The following IRF8 variants were observed in gnomAD, a reference collection of about 807,000 sequenced individuals.
IRF8 encodes the protein interferon regulatory factor 8, also known as interferon consensus sequence binding protein 1.
IRF8 carries 14 observed loss-of-function variants against 48.7 expected under a neutral mutation model. That is an observed-to-expected ratio of 0.29 (90% CI 0.19 to 0.45). IRF8 has a LOEUF of 0.45. IRF8 is among the 20% of genes least tolerant of loss of function. The pLI is 1.00. For synonymous variants in IRF8, 278 were observed against 227.3 expected (o/e 1.22, Z -2.01); for missense variants, 493 against 580.7 (o/e 0.85, Z 1.55).
chr16:85,906,072 G>A (rs971363574), intron 2 of IRF8, among the ~76,000 whole-genome samples: 5 of 152,222 alleles, frequency 3.3e-5, no homozygotes, highest in Non-Finnish European at 7.3e-5. Flanking sequence ...GGAAAATCTA[G>A]TTAAGTGAGG....
intron 7 of IRF8, 76 bp downstream of exon 7, chr16:85,918,879 GGGT>G: frequency 6.4e-7 from 1 of 1,573,132 alleles, no homozygotes; most frequent in Non-Finnish European, 8.6e-7. Context: ...TTGCAGCTCA[GGGT>G]GGCCCTGTGG....
intron 1 of IRF8, among the ~76,000 whole-genome samples, chr16:85,901,815 C>G (rs1904834643): frequency 6.6e-6 from 1 of 152,094 alleles, no homozygotes; most frequent in Non-Finnish European, 1.5e-5. Context: ...ATTTTGCTTT[C>G]TGGACCAGTG....
rs1567875581 is a variant in IRF8, at chr16:85,903,009, T to C, written c.-1-6T>C. On this transcript the variant is annotated splice_polypyrimidine_tract_variant and splice_region_variant and intron_variant, in intron 1 of 8. Coordinates refer to ENST00000268638, the MANE Select transcript of IRF8 (RefSeq NM_002163.4). ...ATATCACAGCGTGTATTTCTGTCTTTCCAAGGATGTGTGACCGGAATGGTG... is the reference window on the plus strand; with the variant it reads ...ATATCACAGCGTGTATTTCTGTCTTCCCAAGGATGTGTGACCGGAATGGTG... 1.2e-6 allele frequency: 2 copies of C among 1,613,998 alleles called. No homozygotes were observed. The highest frequency in any genetic ancestry group is 2.7e-5 in the African/African-American group (2 of 74,938).
intron 5 of IRF8, 79 bp downstream of exon 5, chr16:85,913,315 G>T: frequency 2.0e-6 from 2 of 1,022,496 alleles, no homozygotes; most frequent in South Asian, 1.3e-5. Context: ...GGACGGAGTG[G>T]GGGTGGTTGT....
At chr16:85,902,791 G>GCAGGTGGCTA in intron 1 of IRF8, 2 of 598,958 alleles carry the variant, frequency 3.3e-6, no homozygotes, top group Non-Finnish European at 6.0e-6. Context: ...GCTGGTGGCT[G>GCAGGTGGCTA]CAGGTTTCCC....
intron 3 of IRF8, among the ~76,000 whole-genome samples, chr16:85,910,857 G>A (rs2152101262): frequency 6.6e-6 from 1 of 152,356 alleles, no homozygotes; most frequent in East Asian, 1.9e-4. Flanking sequence ...GGTAAATTCT[G>A]TAGGTCACTG....
Position 85,921,708 on chromosome 16 carries a change from G to C in IRF8, c.*426G>C. 4.2e-6 allele frequency: 1 copy of C among 236,964 alleles called. No homozygotes were observed. The allele number at this position is 236,964 out of a possible 1,614,324, so 14.7% of individuals were successfully genotyped here. On this transcript the variant is annotated 3_prime_UTR_variant, in exon 9 of 9. Transcript: ENST00000268638. ...GTTTTTGTCTTTATCGTTTGTTAGA[G>C]TTATAGATTTATGATTTCATAGGCT... is the stretch of plus-strand genomic sequence containing the variant.
At position 85,914,436 on chromosome 16, in the gene IRF8, G is replaced by A. The variant is rs201250460; in HGVS notation, c.554-37G>A. ...GGGTTACTCCCTGTACACCACACCT[G>A]GGTGGCTCTGAGCTTGCTTTTCTGT... is the stretch of plus-strand genomic sequence containing the variant. On this transcript the variant is annotated intron_variant, in intron 5 of 8. Coordinates refer to ENST00000268638, the MANE Select transcript of IRF8 (RefSeq NM_002163.4). The A allele has an allele frequency of 2.0e-5, 32 of 1,613,904 alleles. No individual in the cohort carries two copies. The South Asian group carries it at 3.2e-4, about 16-fold the overall frequency.
At position 85,903,196 on chromosome 16, in the gene IRF8, A is replaced by T; in HGVS notation, c.174+7A>T. 1 of 1,612,514 alleles carries T rather than the reference A, an allele frequency of 6.2e-7. No individual in the cohort carries two copies. Among genetic ancestry groups the T allele is most frequent in the African/African-American group, 1.3e-5 (1 of 75,028 alleles). The stretch of plus-strand genomic sequence containing the variant: ...GGATGCCTCCATTTTTAAGGTAAAG[A>T]GCCCAGCTCCCTTCCCCACTGTGGG... On this transcript the variant is annotated splice_region_variant and intron_variant, in intron 2 of 8. Transcript: ENST00000268638.
intron 5 of IRF8, among the ~76,000 whole-genome samples, chr16:85,913,625 T>C: frequency 6.6e-6 from 1 of 152,224 alleles, no homozygotes; most frequent in East Asian, 1.9e-4. Context: ...GCCAGTCTGT[T>C]ACGACATTAA....
At chr16:85,899,405 A>G (rs1044087278) in intron 1 of IRF8, among the ~76,000 whole-genome samples, 182 bp downstream of exon 1, 1 of 152,358 alleles carries the variant, frequency 6.6e-6, no homozygotes, top group East Asian at 1.9e-4. Flanking sequence ...TCCAATCTGA[A>G]TGCCCAAGTC....
rs1905564843 is a variant in IRF8, at chr16:85,921,419, C to T, written c.*137C>T. ...TACTTTGCACTTAATTTAATAAGGGCATTCTCGGAGGAGTAGACGTTTAAT... is the reference window on the plus strand; with the variant it reads ...TACTTTGCACTTAATTTAATAAGGGTATTCTCGGAGGAGTAGACGTTTAAT... On this transcript the variant is annotated 3_prime_UTR_variant, in exon 9 of 9. Transcript: ENST00000268638. 4.3e-6 allele frequency: 4 copies of T among 930,358 alleles called. No individual in the cohort carries two copies. Among genetic ancestry groups the T allele is most frequent in the African/African-American group, 3.3e-5 (2 of 61,514 alleles). The allele number at this position is 930,358 out of a possible 1,614,324, so 57.6% of individuals were successfully genotyped here. A position where few individuals can be genotyped will look rare whatever the true frequency, so the allele number is the denominator to read the frequency against.
chr16:85,912,538 C>T (rs1262727094), intron 4 of IRF8, among the ~76,000 whole-genome samples: 1 of 152,222 alleles, frequency 6.6e-6, no homozygotes, highest in Non-Finnish European at 1.5e-5. Flanking sequence ...TGGCAGCCGA[C>T]TGAGTGAATT....
Position 85,921,732 on chromosome 16 carries a change from C to A in IRF8, c.*450C>A. On this transcript the variant is annotated 3_prime_UTR_variant, in exon 9 of 9. Transcript: ENST00000268638. Reference sequence around the variant, plus strand: ...AGTTATAGATTTATGATTTCATAGGCTTGATTCTATGTGAAATATCTTTTT... The same window carrying A: ...AGTTATAGATTTATGATTTCATAGGATTGATTCTATGTGAAATATCTTTTT... 1 of 205,410 alleles carries A rather than the reference C, an allele frequency of 4.9e-6. No homozygotes were observed. Among genetic ancestry groups the A allele is most frequent in the South Asian group, 8.1e-5 (1 of 12,356 alleles). The allele number at this position is 205,410 out of a possible 1,614,324, so 12.7% of individuals were successfully genotyped here.
intron 6 of IRF8, among the ~76,000 whole-genome samples, chr16:85,916,755 G>T (rs928960171): frequency 2.6e-5 from 4 of 152,228 alleles, no homozygotes; most frequent in Admixed American, 2.0e-4. Flanking sequence ...GTTGCTTCAG[G>T]GTAAAGGGAG....
intron 2 of IRF8, among the ~76,000 whole-genome samples, chr16:85,904,812 CTTTTTTT>C (rs1177860791): frequency 1.1e-5 from 1 of 87,598 alleles, no homozygotes; most frequent in Non-Finnish European, 2.1e-5. Context: ...GATTGCAGAT[CTTTTTTT>C]TTTTTTTTTT....
chr16:85,911,259 A>G (rs1029265651), intron 3 of IRF8, among the ~76,000 whole-genome samples: 2 of 152,242 alleles, frequency 1.3e-5, no homozygotes, highest in East Asian at 1.9e-4. Flanking sequence ...TGCTTGCTGT[A>G]AAGTATATCT....
At chr16:85,899,314 A>G (rs1904744753) in intron 1 of IRF8, 91 bp downstream of exon 1, 1 of 151,988 alleles carries the variant, frequency 6.6e-6, no homozygotes. Context: ...GGGTGGAACT[A>G]CCTACCGTAA....
At chr16:85,900,835 A>T (rs1336306495) in intron 1 of IRF8, 1 of 152,148 alleles carries the variant, frequency 6.6e-6, no homozygotes, top group Non-Finnish European at 1.5e-5. Flanking sequence ...AACAGTTTAG[A>T]TGTTATGAAT....
Sources: allele counts gnomAD v4.1 joint callset (sites outside exome capture counted in the v4.1 genomes callset), GRCh38; gene constraint gnomAD v4.1.1; transcripts MANE v1.5; gene names NCBI Gene and HGNC (gene_info 2026-07-23, HGNC 2026-07-21).